FBXO38: variants seen among roughly 807,000 people sequenced by gnomAD.
The protein encoded by FBXO38 is F-box only protein 38.
FBXO38 carries 53 observed loss-of-function variants against 131.9 expected under a neutral mutation model. That is an observed-to-expected ratio of 0.40 (90% confidence interval 0.32 to 0.51). FBXO38 has a LOEUF of 0.51. Among genes scored for constraint, FBXO38 ranks in the 20% least tolerant of loss-of-function variants. The pLI is 0.53. For missense variants in FBXO38, 1,076 were observed against 1,475.6 expected (o/e 0.73, Z 4.44); for synonymous variants, 452 against 505.6 (o/e 0.89, Z 1.42).
intron 18 of FBXO38, 76 bp from the exon 19 acceptor site, chr5:148,439,571 A>C: frequency 7.2e-7 from 1 of 1,396,406 alleles, no homozygotes; most frequent in Admixed American, 2.0e-5. Context: ...CCATGGAAAG[A>C]TTGTTCAAGC....
At chr5:148,394,196 CT>C (rs759882427) in intron 1 of FBXO38, among the ~76,000 whole-genome samples, 1 of 152,072 alleles carries the variant, frequency 6.6e-6, no homozygotes, top group Non-Finnish European at 1.5e-5. Flanking sequence ...TAATCTCTGA[CT>C]TTATAGGTGA....
intron 5 of FBXO38, among the ~76,000 whole-genome samples, chr5:148,403,559 C>G (rs1752281338): frequency 6.6e-6 from 1 of 152,116 alleles, no homozygotes; most frequent in African/African-American, 2.4e-5. Flanking sequence ...CATCTTACAT[C>G]TCAATCTGTA....
intron 1 of FBXO38, among the ~76,000 whole-genome samples, chr5:148,391,631 GAAGAT>G (rs1395420209): frequency 1.3e-5 from 2 of 152,198 alleles, no homozygotes; most frequent in East Asian, 1.9e-4. Context: ...AGGATTGGAA[GAAGAT>G]AAGATTGGAA....
intron 9 of FBXO38, among the ~76,000 whole-genome samples, chr5:148,411,481 C>T (rs1752749983): frequency 6.6e-6 from 1 of 152,072 alleles, no homozygotes; most frequent in Admixed American, 6.6e-5. Flanking sequence ...AACTCTCATC[C>T]TCATAGCAGA....
rs1384543740 is a variant in FBXO38, at chr5:148,425,853, G to A, written c.1918+152G>A. On this transcript the variant is annotated intron_variant, in intron 14 of 21. Transcript: ENST00000340253. ...ACTTGCCCAAGTAAGGGAAATCTGG[G>A]TGGTGCTCTTGTAGGCAATACAACA... is the stretch of plus-strand genomic sequence containing the variant. The A allele has an allele frequency of 1.4e-5, 9 of 658,836 alleles. No homozygotes were observed. In the South Asian group the frequency reaches 1.6e-4, roughly 11 times the overall value. 40.8% of individuals were successfully genotyped at this position (658,836 alleles called of 1,614,324 possible).
At chr5:148,396,453 C>T (rs985027611) in intron 2 of FBXO38, among the ~76,000 whole-genome samples, 2 of 152,058 alleles carry the variant, frequency 1.3e-5, no homozygotes, top group African/African-American at 4.8e-5. Flanking sequence ...GATGTCTCAA[C>T]CTACAAACCA....
At chr5:148,394,546 ATGTTCTGTGCTTTT>A (rs916601705) in intron 1 of FBXO38, among the ~76,000 whole-genome samples, 154 bp from the exon 2 acceptor site, 1 of 152,142 alleles carries the variant, frequency 6.6e-6, no homozygotes, top group African/African-American at 2.4e-5. Context: ...TGAGAAAAAG[ATGTTCTGTGCTTTT>A]TGCACAGAAC....
intron 1 of FBXO38, among the ~76,000 whole-genome samples, chr5:148,390,756 T>C (rs116027880): frequency 0.015 from 2,249 of 152,154 alleles, 28 homozygotes; most frequent in Non-Finnish European, 0.022. Flanking sequence ...GTCTAAAAAT[T>C]TACGTATAGT....
chr5:148,431,927 G>A (rs1754064360), intron 15 of FBXO38, among the ~76,000 whole-genome samples: 1 of 152,106 alleles, frequency 6.6e-6, no homozygotes, highest in South Asian at 2.1e-4. Context: ...TGTTTTACAG[G>A]GTAGAATTTC....
intron 6 of FBXO38, among the ~76,000 whole-genome samples, chr5:148,405,820 A>C (rs377038258): frequency 5.3e-5 from 8 of 151,966 alleles, no homozygotes; most frequent in African/African-American, 1.9e-4. Flanking sequence ...TTCTATAATT[A>C]CTTATGTTAG....
chr5:148,393,244 C>T (rs915991188), intron 1 of FBXO38, among the ~76,000 whole-genome samples: 5 of 113,408 alleles, frequency 4.4e-5, no homozygotes, highest in African/African-American at 1.8e-4. Context: ...TGATGAGAGG[C>T]AAGCATGCTG....
intron 9 of FBXO38, 87 bp downstream of exon 9, chr5:148,410,852 T>TATG: frequency 2.3e-6 from 3 of 1,280,126 alleles, no homozygotes; most frequent in Non-Finnish European, 3.2e-6. Flanking sequence ...TGCCATGTCT[T>TATG]TTTGAACATA....
At chr5:148,404,645 A>AT (rs774750364) in intron 5 of FBXO38, 40 bp from the exon 6 acceptor site, 26 of 1,502,972 alleles carry the variant, frequency 1.7e-5, no homozygotes, top group Middle Eastern at 1.9e-4. Context: ...TATTTTTGTG[A>AT]TTTTTTTCTT....
rs556328645 is a variant in FBXO38 at position 148,419,988 on chromosome 5, A to G, written c.1618+2784A>G. ...TCAAAATTTTATAATTTGGCAGGAT[A>G]TTATCTTAAGTTTGTATTTTGAGAA... On this transcript the variant is annotated intron_variant, in intron 12 of 21. Transcript: ENST00000340253. Among the ~76,000 whole-genome samples the G allele has an allele frequency of 6.7e-5, 10 of 149,800 alleles. 2 individuals carry two copies. Among genetic ancestry groups the G allele is most frequent in the African/African-American group, 2.5e-4 (10 of 39,282 alleles).
rs764011030 is a variant in FBXO38, at chr5:148,427,637, C to G, written c.2343C>G (p.Pro781=). ...GCCCCAGATGCTGCTGTCACAGGCC[C>G]CAGGAATCCCAAAGGAGAACTAGCA... ...SVCPRCCCHR[P]QESQRRTSRC... Residue 781 remains proline (P), a synonymous_variant, in exon 15 of 22, where the codon CCC becomes CCG. Transcript: ENST00000340253. 1 of 1,614,170 alleles carries G rather than the reference C, an allele frequency of 6.2e-7. No homozygotes were observed. The highest frequency in any genetic ancestry group is 8.5e-7 in the Non-Finnish European group (1 of 1,180,034).
chr5:148,418,851 G>A (rs1475365644), intron 12 of FBXO38, among the ~76,000 whole-genome samples: 3 of 152,158 alleles, frequency 2.0e-5, no homozygotes, highest in African/African-American at 7.2e-5. Context: ...ATATATTGTT[G>A]CAACAAGGAC....
chr5:148,441,972 C>T lies in FBXO38; in HGVS notation c.3392C>T (p.Thr1131Ile). 6.2e-7 allele frequency: 1 copy of T among 1,607,572 alleles called. No individual in the cohort carries two copies. Among genetic ancestry groups the T allele is most frequent in the Non-Finnish European group, 8.5e-7 (1 of 1,177,498 alleles). Residue 1131 changes from threonine to isoleucine, a missense_variant, in exon 22 of 22, where the codon ACT (threonine) becomes ATT (isoleucine). Thr to Ile is a moderately conservative substitution (Grantham distance 89). Around this residue, in one of 8 missense-constraint regions of FBXO38, gnomAD observed 282 missense variants for 418.8 expected, o/e 0.67. Coordinates refer to ENST00000340253, the MANE Select transcript of FBXO38 (RefSeq NM_205836.3). ...RYDFEDDEES[T>I]IYAPRRKGQL... ...CCTTTTATTTCTAATTTCAAAGGCACTATCTATGCTCCTAGAAGGAAAGGA... is the reference window on the plus strand; with the variant it reads ...CCTTTTATTTCTAATTTCAAAGGCATTATCTATGCTCCTAGAAGGAAAGGA...
intron 15 of FBXO38, among the ~76,000 whole-genome samples, chr5:148,429,951 A>T (rs1208968920): frequency 6.6e-6 from 1 of 151,902 alleles, no homozygotes; most frequent in South Asian, 2.1e-4. Context: ...CAATTTGAGA[A>T]GACTTCTAAT....
chr5:148,403,950 A>AT (rs1353086274), intron 5 of FBXO38, among the ~76,000 whole-genome samples: 1 of 151,654 alleles, frequency 6.6e-6, no homozygotes, highest in Non-Finnish European at 1.5e-5. Context: ...TATTTCCTGT[A>AT]TTTTTTCACC....
Sources: gnomAD v4.1 joint callset for allele counts (sites outside exome capture counted in the v4.1 genomes callset) on GRCh38, gnomAD v4.1.1 for gene constraint, gnomAD v4.1.1 regional missense constraint, MANE v1.5 for transcripts, NCBI Gene and HGNC (gene_info 2026-07-23, HGNC 2026-07-21) for gene names.